The following LRRIQ3 variants were observed in gnomAD, a reference collection of about 807,000 sequenced individuals.
The protein encoded by LRRIQ3 is leucine rich repeats and IQ motif containing 3.
A neutral mutation model predicts 59.3 loss-of-function variants in LRRIQ3; 75 were observed. The ratio of observed to expected loss-of-function variants is 1.26; its 90% confidence interval spans 1.05 to 1.53. The LOEUF is 1.53. Among genes scored for constraint, LRRIQ3 ranks in the 40% most tolerant of loss-of-function variants. The probability of loss-of-function intolerance (pLI) is 0.00; values close to 1 mark genes in which losing one functional copy is unlikely to be tolerated. For synonymous variants in LRRIQ3, 250 were observed against 231.3 expected, an observed-to-expected ratio of 1.08 and a Z score of -0.73; for missense variants, 831 against 710.0, an observed-to-expected ratio of 1.17 and a Z score of -1.94.
chr1:74,151,792 GA>G (rs1404887092), intron 4 of LRRIQ3, among the ~76,000 whole-genome samples: 1 of 152,128 alleles, frequency 6.6e-6, no homozygotes, highest in Non-Finnish European at 1.5e-5. Context: ...AGTGAAAAGA[GA>G]GAGCAAAATA....
In LRRIQ3 at chr1:74,074,804, A is replaced by G. The variant is rs17094797; in HGVS notation, c.868-14T>C. On this transcript the variant is annotated splice_polypyrimidine_tract_variant and intron_variant, in intron 5 of 7. Transcript: ENST00000354431. The stretch of plus-strand genomic sequence containing the variant: ...ATAATATATATTCTGTGAAAATAAA[A>G]TAAAAGCAATGACAATGATAATATC... The G allele has an allele frequency of 6.5e-3, 7,934 of 1,224,982 alleles. 448 individuals carry two copies. In the African/African-American group the frequency reaches 0.11, roughly 17 times the overall value. The allele number at this position is 1,224,982 out of a possible 1,614,324, so 75.9% of individuals were successfully genotyped here. A position where few individuals can be genotyped will look rare whatever the true frequency, so the allele number is the denominator to read the frequency against.
chr1:74,138,484 C>T, intron 4 of LRRIQ3: 9 of 984,754 alleles, frequency 9.1e-6, no homozygotes, highest in Non-Finnish European at 1.1e-5. Flanking sequence ...CAGAGTTCAG[C>T]TAGGCATGTC....
intron 5 of LRRIQ3, among the ~76,000 whole-genome samples, chr1:74,084,405 CAT>C: frequency 6.6e-6 from 1 of 151,894 alleles, no homozygotes; most frequent in African/African-American, 2.4e-5. Flanking sequence ...GAAACCTAAA[CAT>C]GTGAATTTTC....
chr1:74,196,778 G>A (rs1175280358), intron 1 of LRRIQ3, among the ~76,000 whole-genome samples: 1 of 152,082 alleles, frequency 6.6e-6, no homozygotes, highest in East Asian at 1.9e-4. Flanking sequence ...CATTCCCACT[G>A]CTACCATCCT....
intron 4 of LRRIQ3, among the ~76,000 whole-genome samples, chr1:74,151,020 T>C (rs1257001354): frequency 2.8e-5 from 4 of 140,984 alleles, no homozygotes; most frequent in African/African-American, 5.3e-5. Flanking sequence ...TCTTTTTTTT[T>C]TTTTTTTTTT....
intron 6 of LRRIQ3, among the ~76,000 whole-genome samples, chr1:74,058,845 T>C (rs769517427): frequency 6.6e-6 from 1 of 152,048 alleles, no homozygotes; most frequent in Non-Finnish European, 1.5e-5. Context: ...TATGTATAAT[T>C]ATTATGTATT....
chr1:74,134,386 C>A, intron 4 of LRRIQ3, among the ~76,000 whole-genome samples: 1 of 152,036 alleles, frequency 6.6e-6, no homozygotes, highest in East Asian at 1.9e-4. Flanking sequence ...TGCAAAGGTA[C>A]TACTATGGCA....
chr1:74,189,412 G>A (rs2100738886), intron 1 of LRRIQ3, among the ~76,000 whole-genome samples: 1 of 152,228 alleles, frequency 6.6e-6, no homozygotes, highest in South Asian at 2.1e-4. Context: ...TCTGAGATTG[G>A]TGATCTCAAG....
chr1:74,149,425 T>C (rs1227948949), intron 4 of LRRIQ3, among the ~76,000 whole-genome samples: 1 of 152,164 alleles, frequency 6.6e-6, no homozygotes, highest in Non-Finnish European at 1.5e-5. Flanking sequence ...CACAGAATTT[T>C]TTCATATCAC....
At chr1:74,032,520 T>C (rs1474275179) in intron 7 of LRRIQ3, among the ~76,000 whole-genome samples, 1 of 152,080 alleles carries the variant, frequency 6.6e-6, no homozygotes, top group African/African-American at 2.4e-5. Flanking sequence ...ATCATCACTC[T>C]TTCCCTGTGC....
At chr1:74,132,207 A>C (rs568791377) in intron 4 of LRRIQ3, among the ~76,000 whole-genome samples, 41 of 152,010 alleles carry the variant, frequency 2.7e-4, no homozygotes, top group Middle Eastern at 3.4e-3. Context: ...CAAACGACTG[A>C]TCAATGAAAT....
At chr1:74,118,603 A>G (rs1646810041) in intron 4 of LRRIQ3, among the ~76,000 whole-genome samples, 1 of 152,058 alleles carries the variant, frequency 6.6e-6, no homozygotes. Context: ...TTTTTGTAGT[A>G]TAAGTTTCAA....
At chr1:74,078,700 T>C (rs1646236900) in intron 5 of LRRIQ3, 1 of 151,804 alleles carries the variant, frequency 6.6e-6, no homozygotes, top group Non-Finnish European at 1.5e-5. Context: ...AAACATATCT[T>C]CAGATGATTT....
intron 5 of LRRIQ3, among the ~76,000 whole-genome samples, chr1:74,103,712 T>C (rs1391281919): frequency 1.3e-5 from 2 of 151,610 alleles, no homozygotes; most frequent in Non-Finnish European, 2.9e-5. Context: ...TTGAACAAGA[T>C]AAAAAAGAAG....
At chr1:74,151,681 A>T (rs1647982412) in intron 4 of LRRIQ3, among the ~76,000 whole-genome samples, 1 of 152,180 alleles carries the variant, frequency 6.6e-6, no homozygotes, top group Non-Finnish European at 1.5e-5. Context: ...CCGGGACTCT[A>T]AACCCCCAAA....
intron 7 of LRRIQ3, among the ~76,000 whole-genome samples, chr1:74,027,431 T>C (rs1653550030): frequency 6.6e-6 from 1 of 152,092 alleles, no homozygotes; most frequent in South Asian, 2.1e-4. Flanking sequence ...TAATCCAATA[T>C]AATTTGTGTA....
intron 6 of LRRIQ3, among the ~76,000 whole-genome samples, chr1:74,074,271 T>C (rs1458263258): frequency 6.6e-6 from 1 of 152,144 alleles, no homozygotes; most frequent in Non-Finnish European, 1.5e-5. Context: ...ATTGCTGTAA[T>C]ATTTTTAATG....
intron 4 of LRRIQ3, among the ~76,000 whole-genome samples, chr1:74,120,416 CTA>C (rs1184683027): frequency 1.3e-4 from 19 of 151,654 alleles, no homozygotes; most frequent in African/African-American, 4.6e-4. Context: ...GTGCTGGCCT[CTA>C]TGTTGTTTCT....
intron 4 of LRRIQ3, among the ~76,000 whole-genome samples, chr1:74,123,509 CTG>C (rs201915134): frequency 0.019 from 2,906 of 151,988 alleles, 40 homozygotes; most frequent in Middle Eastern, 0.055. Context: ...ATGAATTCAA[CTG>C]TTTTAATTTT....
Sources: gnomAD v4.1 joint callset for allele counts (sites outside exome capture counted in the v4.1 genomes callset) on GRCh38, gnomAD v4.1.1 for gene constraint, MANE v1.5 for transcripts, NCBI Gene and HGNC (gene_info 2026-07-23, HGNC 2026-07-21) for gene names.